The following DPP10 variants were observed in gnomAD, a reference collection of about 807,000 sequenced individuals.
DPP10 encodes the protein inactive dipeptidyl peptidase 10.
In DPP10, 33 loss-of-function variants were observed where a neutral mutation model predicts 120.9. The observed-to-expected ratio is 0.27, with a 90% confidence interval of 0.21 to 0.37. The LOEUF is 0.37. DPP10 is among the 10% of genes least tolerant of loss of function. The pLI is 1.00. For missense variants in DPP10, 816 were observed against 942.8 expected, an observed-to-expected ratio of 0.87 and a Z score of 1.76; for synonymous variants, 337 against 326.1, an observed-to-expected ratio of 1.03 and a Z score of -0.36.
chr2:114,663,968 C>A (rs1294589868), intron 1 of DPP10, among the ~76,000 whole-genome samples: 1 of 151,908 alleles, frequency 6.6e-6, no homozygotes. Context: ...ACTAGAGAGA[C>A]AATCTGGGGA....
At chr2:115,673,278 G>A (rs1378003367) in intron 5 of DPP10, among the ~76,000 whole-genome samples, 2 of 152,086 alleles carry the variant, frequency 1.3e-5, no homozygotes, top group East Asian at 3.9e-4. Flanking sequence ...TTTATTCAAT[G>A]TCAGGATGAG....
At chr2:115,168,604 A>G (rs2053082006) in intron 1 of DPP10, among the ~76,000 whole-genome samples, 1 of 152,192 alleles carries the variant, frequency 6.6e-6, no homozygotes, top group South Asian at 2.1e-4. Flanking sequence ...GTCCCTATCT[A>G]ATAGCACCTG....
intron 3 of DPP10, among the ~76,000 whole-genome samples, chr2:115,402,911 A>ATG (rs771660360): frequency 7.1e-6 from 1 of 140,668 alleles, no homozygotes; most frequent in East Asian, 2.0e-4. Context: ...ATGTATATAT[A>ATG]TGTGTGTATA....
chr2:115,711,247 A>G (rs1467880978), intron 7 of DPP10, among the ~76,000 whole-genome samples: 2 of 152,130 alleles, frequency 1.3e-5, no homozygotes, highest in African/African-American at 2.4e-5. Flanking sequence ...AATTTGCAGA[A>G]AAGAAATAGA....
intron 1 of DPP10, among the ~76,000 whole-genome samples, chr2:114,663,658 TATATATATATAG>T (rs1199204356): frequency 3.3e-5 from 3 of 91,262 alleles, no homozygotes; most frequent in African/African-American, 8.1e-5. Context: ...TATATATATA[TATATATATATAG>T]AGAGAGAGAG....
chr2:115,742,108 T>G (rs1677350781), intron 9 of DPP10, among the ~76,000 whole-genome samples: 1 of 152,182 alleles, frequency 6.6e-6, no homozygotes, highest in Admixed American at 6.6e-5. Context: ...GTTTTTTTCT[T>G]ATTTGGTCTT....
chr2:115,199,719 A>C (rs1489924262), intron 1 of DPP10, among the ~76,000 whole-genome samples: 6 of 152,180 alleles, frequency 3.9e-5, no homozygotes, highest in Non-Finnish European at 7.3e-5. Context: ...ATCAAGACTG[A>C]AGAGATGATG....
At chr2:115,657,730 TA>T (rs2088516501) in intron 5 of DPP10, among the ~76,000 whole-genome samples, 2 of 151,968 alleles carry the variant, frequency 1.3e-5, no homozygotes, top group Non-Finnish European at 2.9e-5. Flanking sequence ...ATTTTAAAAA[TA>T]AAAATGATAG....
chr2:115,658,483 A>G (rs990411611), intron 5 of DPP10, among the ~76,000 whole-genome samples: 21 of 151,856 alleles, frequency 1.4e-4, no homozygotes, highest in African/African-American at 3.6e-4. Context: ...CTCGCTTGCT[A>G]TATTTTACTC....
At chr2:114,873,017 T>A (rs989104190) in intron 1 of DPP10, among the ~76,000 whole-genome samples, 9 of 152,164 alleles carry the variant, frequency 5.9e-5, no homozygotes, top group African/African-American at 2.2e-4. Flanking sequence ...CTGTATTAAA[T>A]CACAAGACTT....
chr2:115,679,381 A>G (rs1033279371), intron 5 of DPP10, among the ~76,000 whole-genome samples: 9 of 152,134 alleles, frequency 5.9e-5, no homozygotes, highest in Admixed American at 1.3e-4. Context: ...TGATGGTTTT[A>G]TAGATGGTTT....
At chr2:115,575,189 A>G (rs1248745122) in intron 5 of DPP10, among the ~76,000 whole-genome samples, 1 of 152,202 alleles carries the variant, frequency 6.6e-6, no homozygotes, top group East Asian at 1.9e-4. Flanking sequence ...GAGTGCAGAG[A>G]AATAAGAGTC....
intron 1 of DPP10, among the ~76,000 whole-genome samples, chr2:114,664,918 G>GAGCATCCAAAAGATGGCAC (rs1697796721): frequency 8.5e-6 from 1 of 118,174 alleles, no homozygotes; most frequent in African/African-American, 5.2e-5. Context: ...AAAGATGGCA[G>GAGCATCCAAAAGATGGCAC]AGAGCATCCA....
At chr2:115,423,630 A>C (rs1040319324) in intron 3 of DPP10, among the ~76,000 whole-genome samples, 1 of 152,140 alleles carries the variant, frequency 6.6e-6, no homozygotes, top group African/African-American at 2.4e-5. Context: ...AAATGAGTTA[A>C]GAAAATTTTT....
chr2:115,709,235 A>G (rs2092236027), intron 7 of DPP10, among the ~76,000 whole-genome samples: 1 of 152,046 alleles, frequency 6.6e-6, no homozygotes, highest in Admixed American at 6.6e-5. Flanking sequence ...CTGATAGGAA[A>G]TCCGACTGTC....
intron 1 of DPP10, among the ~76,000 whole-genome samples, chr2:114,748,274 TG>T (rs1215080833): frequency 6.6e-6 from 1 of 150,936 alleles, no homozygotes; most frequent in Admixed American, 6.6e-5. Context: ...TTTCCCTTTA[TG>T]GACCCGTGAG....
chr2:115,316,674 G>T (rs570594146), intron 2 of DPP10, among the ~76,000 whole-genome samples: 11 of 152,228 alleles, frequency 7.2e-5, no homozygotes, highest in African/African-American at 2.4e-4. Context: ...ATATAAAATT[G>T]TGTGTCATTA....
intron 1 of DPP10, among the ~76,000 whole-genome samples, chr2:114,536,954 C>G (rs997532986): frequency 6.6e-6 from 1 of 152,138 alleles, no homozygotes; most frequent in African/African-American, 2.4e-5. Context: ...CAAATACACT[C>G]CCAAATGGAT....
At chr2:115,325,337 T>C (rs1420933823) in intron 2 of DPP10, among the ~76,000 whole-genome samples, 5 of 152,148 alleles carry the variant, frequency 3.3e-5, no homozygotes, top group Non-Finnish European at 7.4e-5. Context: ...TAGTGAAAGT[T>C]CTTGATAATG....
Sources: allele counts gnomAD v4.1 joint callset (sites outside exome capture counted in the v4.1 genomes callset), GRCh38; gene constraint gnomAD v4.1.1; transcripts MANE v1.5; gene names NCBI Gene and HGNC (gene_info 2026-07-23, HGNC 2026-07-21).